The following DENND4C variants were observed in gnomAD, a reference collection of about 807,000 sequenced individuals.
The protein encoded by DENND4C is DENN domain-containing protein 4C.
DENND4C carries 108 observed loss-of-function variants against 203.0 expected under a neutral mutation model. That is an observed-to-expected ratio of 0.53 (90% confidence interval 0.46 to 0.62). DENND4C has a LOEUF of 0.62. DENND4C is among the 20% of genes least tolerant of loss of function. The pLI is 0.00. For missense variants in DENND4C, 2,481 were observed against 2,301.2 expected (o/e 1.08, Z -1.60); for synonymous variants, 871 against 792.4 (o/e 1.10, Z -1.67).
chr9:19,319,164 CA>C (rs201975061), intron 12 of DENND4C, among the ~76,000 whole-genome samples: 35 of 121,628 alleles, frequency 2.9e-4, no homozygotes, highest in East Asian at 6.9e-4. Flanking sequence ...AACTTCATCT[CA>C]AAAAAAAAAA....
At chr9:19,344,552 T>G (rs1027216575) in intron 22 of DENND4C, among the ~76,000 whole-genome samples, 3 of 152,060 alleles carry the variant, frequency 2.0e-5, no homozygotes, top group African/African-American at 7.2e-5. Context: ...TGGAGTGTAG[T>G]GGCACAGTCA....
intron 1 of DENND4C, among the ~76,000 whole-genome samples, chr9:19,275,416 C>T (rs896852495): frequency 3.9e-5 from 6 of 152,016 alleles, no homozygotes; most frequent in African/African-American, 1.4e-4. Flanking sequence ...CCCCAGCCTC[C>T]CGAGTAGCTG....
chr9:19,242,876 G>A (rs563817148), intron 1 of DENND4C, among the ~76,000 whole-genome samples: 1 of 151,912 alleles, frequency 6.6e-6, no homozygotes, highest in Non-Finnish European at 1.5e-5. Flanking sequence ...GGCTAGTCTC[G>A]ATCTCCTGAC....
At chr9:19,298,199 C>A in intron 7 of DENND4C, 77 bp downstream of exon 7, 1 of 1,366,086 alleles carries the variant, frequency 7.3e-7, no homozygotes, top group Non-Finnish European at 1.0e-6. Context: ...TTCTGTATAC[C>A]TTTGGGTTTG....
chr9:19,292,878 G>A (rs1836665948), intron 5 of DENND4C, among the ~76,000 whole-genome samples: 1 of 152,008 alleles, frequency 6.6e-6, no homozygotes, highest in Non-Finnish European at 1.5e-5. Flanking sequence ...AATTTAATAG[G>A]CGATTTTATT....
intron 7 of DENND4C, among the ~76,000 whole-genome samples, chr9:19,298,885 G>T (rs1837986218): frequency 6.6e-6 from 1 of 152,096 alleles, no homozygotes; most frequent in African/African-American, 2.4e-5. Context: ...TACGTGCCAA[G>T]CAACTGCCAA....
Position 19,373,229 on chromosome 9 carries a change from T to C in DENND4C, c.*1056T>C, listed in dbSNP as rs1406597692. The C allele has an allele frequency of 6.6e-6, 1 of 152,214 alleles. No individual in the cohort carries two copies. Among genetic ancestry groups the C allele is most frequent in the Non-Finnish European group, 1.5e-5 (1 of 68,030 alleles). The allele number at this position is 152,214 out of a possible 1,614,324, so 9.4% of individuals were successfully genotyped here. A position where few individuals can be genotyped will look rare whatever the true frequency, so the allele number is the denominator to read the frequency against. ...TTATGTATTATCTTGCTTAATGGGTTTTATCTTGATTATCCAGTTACTTCC... is the reference window on the plus strand; with the variant it reads ...TTATGTATTATCTTGCTTAATGGGTCTTATCTTGATTATCCAGTTACTTCC... On this transcript the variant is annotated 3_prime_UTR_variant, in exon 33 of 33. Transcript: ENST00000434457.
At chr9:19,244,943 C>G (rs934635989) in intron 1 of DENND4C, among the ~76,000 whole-genome samples, 1 of 152,082 alleles carries the variant, frequency 6.6e-6, no homozygotes, top group Non-Finnish European at 1.5e-5. Flanking sequence ...TTGAGCACAG[C>G]TCATGTTTTT....
intron 2 of DENND4C, among the ~76,000 whole-genome samples, chr9:19,285,915 A>G (rs571086483): frequency 7.9e-5 from 12 of 152,260 alleles, no homozygotes; most frequent in Non-Finnish European, 1.0e-4. Flanking sequence ...CTGTTGATCT[A>G]TATGTTTATT....
intron 10 of DENND4C, among the ~76,000 whole-genome samples, chr9:19,312,059 A>G (rs1032620720): frequency 6.6e-6 from 1 of 152,146 alleles, no homozygotes; most frequent in Admixed American, 6.5e-5. Context: ...AAAATGAGCA[A>G]GGATGCTTTC....
intron 1 of DENND4C, among the ~76,000 whole-genome samples, chr9:19,255,536 T>G (rs1336368423): frequency 6.6e-6 from 1 of 152,212 alleles, no homozygotes; most frequent in Non-Finnish European, 1.5e-5. Context: ...ATACATTTTA[T>G]GTGAGAGGAA....
At chr9:19,314,673 C>G (rs1305677219) in intron 10 of DENND4C, among the ~76,000 whole-genome samples, 2 of 151,988 alleles carry the variant, frequency 1.3e-5, no homozygotes, top group East Asian at 1.9e-4. Context: ...GTGAACTGCA[C>G]TGAGTGCTAA....
At chr9:19,331,329 A>T (rs1320508047) in intron 16 of DENND4C, among the ~76,000 whole-genome samples, 4 of 151,460 alleles carry the variant, frequency 2.6e-5, no homozygotes, top group Non-Finnish European at 4.4e-5. Context: ...CAAACTCCCG[A>T]GTAGCTGGGA....
At chr9:19,296,776 G>C (rs900144485) in intron 6 of DENND4C, among the ~76,000 whole-genome samples, 4 of 152,142 alleles carry the variant, frequency 2.6e-5, no homozygotes, top group Non-Finnish European at 5.9e-5. Context: ...ATTATATTGT[G>C]AGTGTTCTTC....
At chr9:19,329,566 G>C (rs572468092) in intron 16 of DENND4C, among the ~76,000 whole-genome samples, 2 of 152,270 alleles carry the variant, frequency 1.3e-5, no homozygotes, top group Non-Finnish European at 2.9e-5. Flanking sequence ...TATATATCTA[G>C]GAGTAAATTG....
chr9:19,357,855 C>T, intron 27 of DENND4C, 110 bp from the exon 28 acceptor site: 1 of 868,796 alleles, frequency 1.2e-6, no homozygotes, highest in Non-Finnish European at 1.7e-6. Context: ...GCTGATTCTT[C>T]TTAGATATAT....
intron 5 of DENND4C, among the ~76,000 whole-genome samples, chr9:19,292,917 T>C (rs1281762177): frequency 6.6e-6 from 1 of 152,190 alleles, no homozygotes; most frequent in African/African-American, 2.4e-5. Context: ...AACTGACTCA[T>C]GCAGATGAAA....
chr9:19,276,365 TAGA>T lies in DENND4C; in HGVS notation c.194_196del (p.Glu65del). ...ACAGTACCTGAAGGTTACACCTGTG[TAGA>T]AGCCACTCCATCAGCTCTCCAAGCA... On this transcript the variant is annotated inframe_deletion, in exon 2 of 33. Transcript: ENST00000434457. 1.6e-6 allele frequency: 2 copies of T among 1,232,110 alleles called. No individual in the cohort carries two copies. The highest frequency in any genetic ancestry group is 8.2e-5 in the South Asian group (2 of 24,322). 76.3% of individuals were successfully genotyped at this position (1,232,110 alleles called of 1,614,324 possible).
intron 22 of DENND4C, 85 bp downstream of exon 22, chr9:19,342,864 C>G (rs1000163168): frequency 8.3e-7 from 1 of 1,201,406 alleles, no homozygotes; most frequent in Non-Finnish European, 1.1e-6. Context: ...AAATTTTTGA[C>G]TTAATTGTAA....
Sources: gnomAD v4.1 joint callset for allele counts (sites outside exome capture counted in the v4.1 genomes callset) on GRCh38, gnomAD v4.1.1 for gene constraint, MANE v1.5 for transcripts, NCBI Gene and HGNC (gene_info 2026-07-23, HGNC 2026-07-21) for gene names.